SAMD7: variants seen among roughly 807,000 people sequenced by gnomAD.
The protein encoded by SAMD7 is sterile alpha motif domain-containing protein 7.
In SAMD7, 34 loss-of-function variants were observed where a neutral mutation model predicts 36.7. The ratio of observed to expected loss-of-function variants is 0.93; its 90% CI spans 0.71 to 1.23. The LOEUF (loss-of-function observed/expected upper bound fraction) is 1.23, where lower values mean the gene tolerates loss of function less well. SAMD7 is among the 50% of genes most tolerant of loss of function. The probability of loss-of-function intolerance (pLI) is 0.00; values close to 1 mark genes in which losing one functional copy is unlikely to be tolerated. For synonymous variants in SAMD7, 188 were observed against 189.7 expected, an observed-to-expected ratio of 0.99 and a Z score of 0.07; for missense variants, 570 against 546.6, an observed-to-expected ratio of 1.04 and a Z score of -0.43.
At chr3:169,924,424 T>A (rs1713172211) in intron 4 of SAMD7, among the ~76,000 whole-genome samples, 1 of 151,752 alleles carries the variant, frequency 6.6e-6, no homozygotes, top group Non-Finnish European at 1.5e-5. Flanking sequence ...CCATTTCTAC[T>A]AAAAATACAA....
chr3:169,933,853 G>A (rs981099520), intron 7 of SAMD7, among the ~76,000 whole-genome samples: 19 of 152,180 alleles, frequency 1.2e-4, no homozygotes, highest in Admixed American at 7.2e-4. Context: ...TGTGAAAGGC[G>A]GGTACAGAGC....
chr3:169,920,864 T>A lies in SAMD7; in HGVS notation c.87-350T>A, dbSNP rs553226675. 4.6e-5 allele frequency among the ~76,000 whole-genome samples: 7 copies of A among 152,352 alleles called. 1 individual carries two copies. The highest frequency in any genetic ancestry group is 1.7e-4 in the African/African-American group (7 of 41,588). ...CCAGATGGTAAACCCAACCAAAGTA[T>A]GTCCATTAAATGAGAAAAGAATTTG... On this transcript the variant is annotated intron_variant, in intron 3 of 8. Coordinates refer to ENST00000335556, the MANE Select transcript of SAMD7 (RefSeq NM_001304366.2).
At position 169,926,747 on chromosome 3, in the gene SAMD7, G is replaced by T; in HGVS notation, c.485G>T (p.Gly162Val). 1 of 1,613,958 alleles carries T rather than the reference G, an allele frequency of 6.2e-7. No homozygotes were observed. The highest frequency in any genetic ancestry group is 8.5e-7 in the Non-Finnish European group (1 of 1,179,982). Residue 162 changes from glycine (G) to valine (V), a missense_variant, in exon 6 of 9, where the codon GGA (glycine) becomes GTA (valine). Physicochemically the swap from Gly to Val is moderately radical, Grantham distance 109 (BLOSUM62 -3). Transcript: ENST00000335556. The part of the protein sequence containing the change: ...FHRSTLRNLQ[G>V]NPMLAATAPH... ...AGAAGCACCCTCAGAAACCTTCAGG[G>T]AAACCCCATGCTAGCGGCAACTGCA... is the stretch of plus-strand genomic sequence containing the variant.
rs1201521603 is a variant in SAMD7, at chr3:169,929,753, T to C, written c.1041+1175T>C. ...AAATACTCAATAAACATGAATTTCA[T>C]CATTATACCCAAGAGACGGCCAAGC... On this transcript the variant is annotated intron_variant, in intron 7 of 8. Transcript: ENST00000335556. Among the ~76,000 whole-genome samples, 3 of 152,244 alleles carry C rather than the reference T, an allele frequency of 2.0e-5. No individual in the cohort carries two copies. The East Asian group carries it at 5.8e-4, about 29-fold the overall frequency.
At chr3:169,916,505 G>A (rs981449746) in intron 2 of SAMD7, among the ~76,000 whole-genome samples, 5 of 152,084 alleles carry the variant, frequency 3.3e-5, no homozygotes, top group South Asian at 4.2e-4. Flanking sequence ...AAAATTAGCC[G>A]AGCGTGGTGG....
chr3:169,917,491 A>G (rs1386670738), intron 2 of SAMD7, among the ~76,000 whole-genome samples: 1 of 151,994 alleles, frequency 6.6e-6, no homozygotes, highest in African/African-American at 2.4e-5. Context: ...GGCACATGAG[A>G]TATTTTGATA....
In SAMD7 at chr3:169,924,882, G is replaced by A. The variant is rs180953574; in HGVS notation, c.212-176G>A. ...TGGTATTTGTCATGCTGTCACCAAC[G>A]TGACTCTAAGATACCGAACTGCAAT... On this transcript the variant is annotated intron_variant, in intron 4 of 8. Coordinates refer to ENST00000335556, the MANE Select transcript of SAMD7 (RefSeq NM_001304366.2). 5.2e-4 allele frequency among the ~76,000 whole-genome samples: 78 copies of A among 150,608 alleles called. 1 individual carries two copies. Among genetic ancestry groups the A allele is most frequent in the Non-Finnish European group, 8.8e-5 (6 of 67,838 alleles).
At chr3:169,916,249 T>C (rs1201466413) in intron 2 of SAMD7, among the ~76,000 whole-genome samples, 2 of 152,128 alleles carry the variant, frequency 1.3e-5, no homozygotes, top group Non-Finnish European at 2.9e-5. Context: ...AATATTATAG[T>C]GGTTGCCAGA....
chr3:169,911,858 T>C (rs1317411282), intron 1 of SAMD7, 37 bp downstream of exon 1: 2 of 152,196 alleles, frequency 1.3e-5, no homozygotes, highest in Admixed American at 6.5e-5. Context: ...TAGCCCAAAA[T>C]TGAGGCCAGT....
chr3:169,926,847 CAGTGATGCTGAG>C lies in SAMD7; in HGVS notation c.589_600del (p.Asp197_Ser200del), dbSNP rs1713284663. On this transcript the variant is annotated inframe_deletion, in exon 6 of 9. Coordinates refer to ENST00000335556, the MANE Select transcript of SAMD7 (RefSeq NM_001304366.2). The stretch of plus-strand genomic sequence containing the variant: ...ATACAGGGAATCAAAAAGCTCTAGA[CAGTGATGCTGAG>C]AGTTCCAAAAGTCAAGCAGAAGAAA... 10 of 1,613,754 alleles carry C rather than the reference CAGTGATGCTGAG, an allele frequency of 6.2e-6. No homozygotes were observed. The highest frequency in any genetic ancestry group is 8.5e-6 in the Non-Finnish European group (10 of 1,179,992).
At chr3:169,934,674 C>A (rs1157570530) in intron 7 of SAMD7, among the ~76,000 whole-genome samples, 1 of 152,074 alleles carries the variant, frequency 6.6e-6, no homozygotes, top group African/African-American at 2.4e-5. Context: ...AGTCACAGCA[C>A]AATGAAAACT....
intron 4 of SAMD7, among the ~76,000 whole-genome samples, chr3:169,922,164 G>A (rs540879230): frequency 1.4e-4 from 22 of 152,260 alleles, no homozygotes; most frequent in African/African-American, 4.8e-4. Flanking sequence ...ACACCCAAGC[G>A]GAGAGGTCAG....
At chr3:169,935,179 G>T (rs928258181) in intron 7 of SAMD7, among the ~76,000 whole-genome samples, 6 of 152,330 alleles carry the variant, frequency 3.9e-5, no homozygotes, top group Middle Eastern at 3.4e-3. Context: ...GCTGTGAAGG[G>T]AGTGAGAGAC....
intron 7 of SAMD7, among the ~76,000 whole-genome samples, chr3:169,933,503 C>T (rs1713599379): frequency 6.6e-6 from 1 of 152,206 alleles, no homozygotes; most frequent in Non-Finnish European, 1.5e-5. Context: ...GTTGGTCAGT[C>T]TTAATTCCCA....
chr3:169,926,353 C>A, intron 5 of SAMD7, 200 bp from the exon 6 acceptor site: 1 of 1,265,304 alleles, frequency 7.9e-7, no homozygotes, highest in Non-Finnish European at 1.1e-6. Flanking sequence ...GGCCTTTGGA[C>A]TTCCATTGTG....
At chr3:169,916,162 C>T (rs916112471) in intron 2 of SAMD7, among the ~76,000 whole-genome samples, 3 of 152,268 alleles carry the variant, frequency 2.0e-5, no homozygotes, top group South Asian at 4.1e-4. Context: ...AGTGAAAAAA[C>T]CAGTCACAGC....
rs371748750 is a variant in SAMD7 at position 169,936,427 on chromosome 3, C to T, written c.1130C>T (p.Pro377Leu). Residue 377 changes from proline to leucine, a missense_variant, in exon 8 of 9, where the codon CCG (proline) becomes CTG (leucine). Coordinates refer to ENST00000335556, the MANE Select transcript of SAMD7 (RefSeq NM_001304366.2). The stretch of plus-strand genomic sequence containing the variant: ...GGCACTATGGGATTAAAGCTAGGGC[C>T]GGCACTAAAAATTCAGTCACAGGTA... The part of the protein sequence containing the change: ...LRGTMGLKLG[P>L]ALKIQSQVSQ... The T allele has an allele frequency of 2.1e-5, 34 of 1,610,904 alleles. No individual in the cohort carries two copies. The highest frequency in any genetic ancestry group is 2.8e-5 in the Non-Finnish European group (33 of 1,177,552).
At chr3:169,919,623 C>T (rs1199436238) in intron 3 of SAMD7, 39 bp downstream of exon 3, 5 of 1,392,640 alleles carry the variant, frequency 3.6e-6, no homozygotes, top group Non-Finnish European at 5.1e-6. Flanking sequence ...CAAAGAACAA[C>T]ATGGACAATC....
In SAMD7 at chr3:169,919,643, T is replaced by G. The variant is rs553319464; in HGVS notation, c.86+59T>G. The stretch of plus-strand genomic sequence containing the variant: ...AACAACATGGACAATCATTACGTTT[T>G]GGAATGATGTTAAGTCTAGTGTTGT... On this transcript the variant is annotated intron_variant, in intron 3 of 8. Transcript: ENST00000335556. The G allele has an allele frequency of 7.7e-6, 10 of 1,291,582 alleles. No homozygotes were observed. In the Admixed American group the frequency reaches 1.7e-4, roughly 22 times the overall value. The allele number at this position is 1,291,582 out of a possible 1,614,324, so 80.0% of individuals were successfully genotyped here.
Sources: allele counts gnomAD v4.1 joint callset (sites outside exome capture counted in the v4.1 genomes callset), GRCh38; gene constraint gnomAD v4.1.1; transcripts MANE v1.5; gene names NCBI Gene and HGNC (gene_info 2026-07-23, HGNC 2026-07-21).